The following PACRG variants were observed in gnomAD, a reference collection of about 807,000 sequenced individuals.
PACRG encodes the protein parkin coregulated, also known as parkin coregulated gene protein.
A neutral mutation model predicts 29.7 loss-of-function variants in PACRG; 29 were observed. The observed-to-expected ratio is 0.98, with a 90% CI of 0.73 to 1.33. The LOEUF is 1.33. PACRG is among the 40% of genes most tolerant of loss of function. PACRG has a pLI of 0.00. For missense variants in PACRG, 279 were observed against 316.2 expected (o/e 0.88, Z 0.89); for synonymous variants, 116 against 118.7 (o/e 0.98, Z 0.15).
intron 4 of PACRG, among the ~76,000 whole-genome samples, chr6:163,303,048 T>C (rs1174926743): frequency 6.6e-6 from 1 of 152,158 alleles, no homozygotes; most frequent in Non-Finnish European, 1.5e-5. Context: ...AAATCTGAGA[T>C]GAGCAGGGTG....
intron 4 of PACRG, among the ~76,000 whole-genome samples, chr6:163,202,660 A>T (rs1780753194): frequency 6.6e-6 from 1 of 152,208 alleles, no homozygotes; most frequent in South Asian, 2.1e-4. Flanking sequence ...AGCTAAGCTA[A>T]CCTAGAGAGG....
At chr6:162,878,136 T>A (rs1043716869) in intron 2 of PACRG, among the ~76,000 whole-genome samples, 1 of 152,190 alleles carries the variant, frequency 6.6e-6, no homozygotes, top group African/African-American at 2.4e-5. Flanking sequence ...GGAATTGGAA[T>A]AATAACTTTA....
chr6:163,254,966 A>G (rs1783051022), intron 4 of PACRG, among the ~76,000 whole-genome samples: 2 of 152,216 alleles, frequency 1.3e-5, no homozygotes, highest in African/African-American at 4.8e-5. Flanking sequence ...TACACAAGCC[A>G]CGGGCTTTCT....
chr6:163,043,801 G>T (rs1268644892), intron 2 of PACRG, among the ~76,000 whole-genome samples: 1 of 152,212 alleles, frequency 6.6e-6, no homozygotes, highest in East Asian at 1.9e-4. Context: ...GACATTGTCG[G>T]AATCAGAGAG....
chr6:163,023,486 C>G (rs1188560788), intron 2 of PACRG, among the ~76,000 whole-genome samples: 1 of 152,118 alleles, frequency 6.6e-6, no homozygotes, highest in African/African-American at 2.4e-5. Context: ...TGATGGGCAC[C>G]GGGGTTGACT....
At chr6:162,929,616 C>T (rs776886465) in intron 2 of PACRG, among the ~76,000 whole-genome samples, 1 of 151,926 alleles carries the variant, frequency 6.6e-6, no homozygotes, top group Non-Finnish European at 1.5e-5. Context: ...CTTTGATCGT[C>T]TTTGCTTCTG....
At chr6:163,111,958 C>T (rs1334515218) in intron 4 of PACRG, 8 of 612,146 alleles carry the variant, frequency 1.3e-5, no homozygotes, top group Non-Finnish European at 1.4e-5. Flanking sequence ...TCTGAATTTT[C>T]AGGGAATTTT....
chr6:163,246,796 C>G (rs1419816524), intron 4 of PACRG, among the ~76,000 whole-genome samples: 1 of 152,080 alleles, frequency 6.6e-6, no homozygotes. Flanking sequence ...AATAGAAAAC[C>G]TAGCACCAAG....
intron 2 of PACRG, among the ~76,000 whole-genome samples, chr6:162,970,392 C>T (rs1047010500): frequency 2.0e-5 from 3 of 152,152 alleles, no homozygotes; most frequent in African/African-American, 7.2e-5. Context: ...GCTCATCTTG[C>T]AGAAGCTGAC....
intron 4 of PACRG, among the ~76,000 whole-genome samples, chr6:163,278,459 G>C (rs939309660): frequency 1.3e-5 from 2 of 152,204 alleles, no homozygotes; most frequent in African/African-American, 4.8e-5. Context: ...GAGTCTTTAT[G>C]GTTTCAGGTC....
intron 4 of PACRG, among the ~76,000 whole-genome samples, chr6:163,156,029 G>C (rs115351558): frequency 1.3e-5 from 2 of 152,220 alleles, no homozygotes; most frequent in East Asian, 1.9e-4. Context: ...ACAGGCCGAG[G>C]GGCCCTTCGC....
At chr6:163,064,102 T>A (rs1811328560) in intron 3 of PACRG, among the ~76,000 whole-genome samples, 1 of 151,688 alleles carries the variant, frequency 6.6e-6, no homozygotes, top group African/African-American at 2.4e-5. Flanking sequence ...TTTTTTTAAA[T>A]CAATGCTTCA....
At chr6:163,104,994 C>G (rs1286759686) in intron 4 of PACRG, among the ~76,000 whole-genome samples, 1 of 152,104 alleles carries the variant, frequency 6.6e-6, no homozygotes, top group Non-Finnish European at 1.5e-5. Context: ...CACTAATCTA[C>G]ATTTACTAGT....
intron 4 of PACRG, among the ~76,000 whole-genome samples, chr6:163,136,168 C>G (rs1056171963): frequency 2.0e-5 from 3 of 152,156 alleles, no homozygotes; most frequent in Non-Finnish European, 4.4e-5. Flanking sequence ...TAAGACAACC[C>G]TCCATTCCCT....
chr6:163,062,057 C>A, intron 2 of PACRG, 93 bp from the exon 3 acceptor site: 1 of 1,283,924 alleles, frequency 7.8e-7, no homozygotes, highest in Non-Finnish European at 1.1e-6. Context: ...AAAGAGCGTG[C>A]CCCTCTGGAG....
intron 4 of PACRG, among the ~76,000 whole-genome samples, chr6:163,114,479 A>G (rs1012334177): frequency 1.3e-5 from 2 of 152,238 alleles, no homozygotes; most frequent in Admixed American, 1.3e-4. Context: ...ACTAAGAATG[A>G]AGACTGAATT....
chr6:163,194,293 T>C (rs1215758544), intron 4 of PACRG, among the ~76,000 whole-genome samples: 3 of 152,316 alleles, frequency 2.0e-5, no homozygotes, highest in Admixed American at 6.5e-5. Flanking sequence ...GTTTTTACTT[T>C]TGAAGTTCCA....
chr6:162,875,742 A>T (rs967983409), intron 2 of PACRG, among the ~76,000 whole-genome samples: 3 of 152,212 alleles, frequency 2.0e-5, no homozygotes, highest in African/African-American at 7.2e-5. Flanking sequence ...ACAACATTAA[A>T]TGCATGGAGT....
intron 3 of PACRG, among the ~76,000 whole-genome samples, chr6:163,084,649 C>T (rs909663665): frequency 6.6e-6 from 1 of 152,008 alleles, no homozygotes; most frequent in African/African-American, 2.4e-5. Flanking sequence ...AATCCAATAA[C>T]GTTGATCACA....
Sources: gnomAD v4.1 joint callset for allele counts (sites outside exome capture counted in the v4.1 genomes callset) on GRCh38, gnomAD v4.1.1 for gene constraint, MANE v1.5 for transcripts, NCBI Gene and HGNC (gene_info 2026-07-23, HGNC 2026-07-21) for gene names.